EXT2: variants seen among roughly 807,000 people sequenced by gnomAD.
EXT2 encodes the protein exostosin glycosyltransferase 2, also known as exostosin-2.
A neutral mutation model predicts 81.6 loss-of-function variants in EXT2; 53 were observed. The ratio of observed to expected loss-of-function variants is 0.65; its 90% CI spans 0.52 to 0.82. EXT2 has a LOEUF of 0.82. Ranked by LOEUF, EXT2 falls within the 40% of genes least tolerant of loss-of-function variation. The pLI, the probability that EXT2 is intolerant of heterozygous loss-of-function variation, is 0.00. For synonymous variants in EXT2, 320 were observed against 340.0 expected (o/e 0.94, Z 0.65); for missense variants, 774 against 910.2 (o/e 0.85, Z 1.93).
At position 44,244,204 on chromosome 11, in the gene EXT2, G is replaced by T; in HGVS notation, c.2074G>T (p.Val692Leu). Residue 692 changes from valine to leucine, a missense_variant, in exon 14 of 14, where the codon GTG becomes TTG. Val to Leu is a conservative substitution (Grantham distance 32, BLOSUM62 1). Transcript: ENST00000533608. ...SVFGTMPLKV[V>L]EHRADPVLYK... ...CTTCGGGACCATGCCTCTCAAGGTG[G>T]TGGAACACCGAGCTGACCCTGTCCT... The T allele has an allele frequency of 6.2e-7, 1 of 1,614,014 alleles. No individual in the cohort carries two copies. Among genetic ancestry groups the T allele is most frequent in the Non-Finnish European group, 8.5e-7 (1 of 1,179,912 alleles).
chr11:44,143,863 T>C (rs1954679338), intron 7 of EXT2, among the ~76,000 whole-genome samples: 1 of 152,184 alleles, frequency 6.6e-6, no homozygotes, highest in Non-Finnish European at 1.5e-5. Context: ...AGTGTCTCCT[T>C]GGTGTTCTCC....
intron 13 of EXT2, 86 bp downstream of exon 13, chr11:44,236,461 T>C (rs1955966545): frequency 7.9e-7 from 1 of 1,262,918 alleles, no homozygotes; most frequent in Non-Finnish European, 1.1e-6. Context: ...TTGTTGGAGA[T>C]ATAAGGACAG....
chr11:44,227,598 G>GC (rs1203025905), intron 10 of EXT2, among the ~76,000 whole-genome samples: 1 of 152,202 alleles, frequency 6.6e-6, no homozygotes, highest in African/African-American at 2.4e-5. Flanking sequence ...AATCTAGGCT[G>GC]CCCCCTGTGG....
chr11:44,235,225 C>CTTTTTTTTTTTTT (rs35214626), intron 12 of EXT2, among the ~76,000 whole-genome samples: 12 of 50,768 alleles, frequency 2.4e-4, no homozygotes, highest in Admixed American at 3.2e-4. Flanking sequence ...CCCAAATTTG[C>CTTTTTTTTTTTTT]TTTTTTTTTT....
At chr11:44,195,973 G>A (rs982394794) in intron 8 of EXT2, among the ~76,000 whole-genome samples, 1 of 152,078 alleles carries the variant, frequency 6.6e-6, no homozygotes, top group South Asian at 2.1e-4. Context: ...CTTTAAGTGG[G>A]TAGATTGTAT....
chr11:44,146,940 C>A (rs1222469432), intron 7 of EXT2, among the ~76,000 whole-genome samples: 2 of 152,174 alleles, frequency 1.3e-5, no homozygotes, highest in African/African-American at 4.8e-5. Context: ...AAAAGCAATT[C>A]TTCATTCTTA....
intron 1 of EXT2, chr11:44,096,467 AG>A: frequency 2.5e-6 from 2 of 807,742 alleles, no homozygotes; most frequent in Non-Finnish European, 2.0e-6. Flanking sequence ...GCCAGGCACT[AG>A]GTGGCTGGGG....
rs1182592129 is a variant in EXT2 at position 44,249,717 on chromosome 11, T to C, written c.*5430T>C. Among the ~76,000 whole-genome samples, 1 of 152,212 alleles carries C rather than the reference T, an allele frequency of 6.6e-6. No homozygotes were observed. The highest frequency in any genetic ancestry group is 2.4e-5 in the African/African-American group (1 of 41,444). ...CCAACCAACTAGTTACTGATCCAGA[T>C]GAGGGAAGAGAACATTTATTCAGTC... On this transcript the variant is annotated 3_prime_UTR_variant, in exon 14 of 14. Coordinates refer to ENST00000533608, the MANE Select transcript of EXT2 (RefSeq NM_207122.2).
chr11:44,197,137 C>T (rs1050791243), intron 8 of EXT2, among the ~76,000 whole-genome samples: 4 of 152,138 alleles, frequency 2.6e-5, no homozygotes, highest in African/African-American at 9.7e-5. Flanking sequence ...GCTTCAGTTT[C>T]CTTGGAGAGG....
rs1340685497 is a variant in EXT2 at position 44,173,534 on chromosome 11, A to T, written c.1305+1792A>T. Reference sequence around the variant, plus strand: ...AGGTCTATTATTGATAGGTATTTAGACTGCTTTCTTTTTTTTTCTTCTTTC... The same window carrying T: ...AGGTCTATTATTGATAGGTATTTAGTCTGCTTTCTTTTTTTTTCTTCTTTC... On this transcript the variant is annotated intron_variant, in intron 8 of 13. Coordinates refer to ENST00000533608, the MANE Select transcript of EXT2 (RefSeq NM_207122.2). 1.0e-3 allele frequency among the ~76,000 whole-genome samples: 142 copies of T among 137,132 alleles called. 2 individuals carry two copies. Among genetic ancestry groups the T allele is most frequent in the African/African-American group, 3.0e-3 (112 of 36,984 alleles). The allele number at this position is 137,132 out of a possible 152,430, so 90.0% of individuals were successfully genotyped here.
chr11:44,119,235 C>T lies in EXT2; in HGVS notation c.743+4934C>T, dbSNP rs534645716. Among the ~76,000 whole-genome samples the T allele has an allele frequency of 1.2e-4, 17 of 146,660 alleles. 1 individual carries two copies. The highest frequency in any genetic ancestry group is 4.2e-4 in the Admixed American group (6 of 14,334). ...ACTGTGGGGATGTGTGTCAGAGGGTCCTGAAGACCACTTCCAGTTACTATG... is the reference window on the plus strand; with the variant it reads ...ACTGTGGGGATGTGTGTCAGAGGGTTCTGAAGACCACTTCCAGTTACTATG... On this transcript the variant is annotated intron_variant, in intron 4 of 13. Coordinates refer to ENST00000533608, the MANE Select transcript of EXT2 (RefSeq NM_207122.2).
At position 44,161,177 on chromosome 11, in the gene EXT2, A is replaced by G. The variant is rs142759486; in HGVS notation, c.1174-10434A>G. Among the ~76,000 whole-genome samples the G allele has an allele frequency of 8.4e-3, 1,286 of 152,332 alleles. 6 individuals carry two copies. Among genetic ancestry groups the G allele is most frequent in the Non-Finnish European group, 0.014 (930 of 68,030 alleles). On this transcript the variant is annotated intron_variant, in intron 7 of 13. Transcript: ENST00000533608. Reference sequence around the variant, plus strand: ...GGCTATATACTTTTAAATAGGTGAGATATGTTAGCAGGCTTCAACTTAACA... The same window carrying G: ...GGCTATATACTTTTAAATAGGTGAGGTATGTTAGCAGGCTTCAACTTAACA...
chr11:44,111,495 A>T (rs1954141885), intron 3 of EXT2, among the ~76,000 whole-genome samples: 3 of 152,200 alleles, frequency 2.0e-5, no homozygotes, highest in Admixed American at 6.5e-5. Flanking sequence ...TTCATGACTT[A>T]TACATCTTTT....
chr11:44,234,387 C>T (rs1253989013), intron 12 of EXT2, 144 bp downstream of exon 12: 10 of 807,398 alleles, frequency 1.2e-5, no homozygotes, highest in South Asian at 4.7e-5. Context: ...ATGATTGATG[C>T]GGTCACATTG....
At chr11:44,164,902 G>A (rs1954972406) in intron 7 of EXT2, among the ~76,000 whole-genome samples, 1 of 143,130 alleles carries the variant, frequency 7.0e-6, no homozygotes, top group Non-Finnish European at 1.5e-5. Context: ...TTTTTGAGAC[G>A]GAGTCTCGCT....
At chr11:44,236,178 C>T (rs1208588411) in intron 12 of EXT2, 115 bp from the exon 13 acceptor site, 9 of 838,784 alleles carry the variant, frequency 1.1e-5, no homozygotes, top group African/African-American at 3.3e-5. Context: ...TGTGTGTGTG[C>T]ACGCGCATGC....
chr11:44,245,495 G>A lies in EXT2; in HGVS notation c.*1208G>A, dbSNP rs748981264. On this transcript the variant is annotated 3_prime_UTR_variant, in exon 14 of 14. Transcript: ENST00000533608. Reference sequence around the variant, plus strand: ...AAATCTACCCTGGCGAATGTTAAATGTTATGGATTCGAAACAGATTTATCT... The same window carrying A: ...AAATCTACCCTGGCGAATGTTAAATATTATGGATTCGAAACAGATTTATCT... 1.1e-5 allele frequency: 2 copies of A among 180,192 alleles called. No individual in the cohort carries two copies. Among genetic ancestry groups the A allele is most frequent in the African/African-American group, 4.7e-5 (2 of 42,350 alleles). 11.2% of individuals were successfully genotyped at this position (180,192 alleles called of 1,614,324 possible).
intron 7 of EXT2, among the ~76,000 whole-genome samples, chr11:44,137,015 T>C (rs1368280358): frequency 6.6e-6 from 1 of 152,180 alleles, no homozygotes; most frequent in Non-Finnish European, 1.5e-5. Flanking sequence ...ATATTCTGTT[T>C]GAATTTTCCT....
At chr11:44,176,844 G>C (rs1397126822) in intron 8 of EXT2, among the ~76,000 whole-genome samples, 1 of 150,964 alleles carries the variant, frequency 6.6e-6, no homozygotes, top group African/African-American at 2.4e-5. Flanking sequence ...GCCATGCACA[G>C]AGCTTGCTCA....
Sources: allele counts gnomAD v4.1 joint callset (sites outside exome capture counted in the v4.1 genomes callset), GRCh38; gene constraint gnomAD v4.1.1; transcripts MANE v1.5; gene names NCBI Gene and HGNC (gene_info 2026-07-23, HGNC 2026-07-21).